NDST4: variants seen among roughly 807,000 people sequenced by gnomAD.
NDST4 encodes the protein N-deacetylase and N-sulfotransferase 4.
In NDST4, 63 loss-of-function variants were observed where a neutral mutation model predicts 100.8. The ratio of observed to expected loss-of-function variants is 0.62; its 90% CI spans 0.51 to 0.77. NDST4 has a LOEUF of 0.77. Ranked by LOEUF, NDST4 falls within the 30% of genes least tolerant of loss-of-function variation. The probability of loss-of-function intolerance (pLI) is 0.00; values close to 1 mark genes in which losing one functional copy is unlikely to be tolerated. For missense variants in NDST4, 943 were observed against 1,018.4 expected (o/e 0.93, Z 1.01); for synonymous variants, 377 against 361.8 (o/e 1.04, Z -0.48).
chr4:114,930,002 C>T (rs1027685780), intron 6 of NDST4, among the ~76,000 whole-genome samples: 1 of 152,010 alleles, frequency 6.6e-6, no homozygotes, highest in Non-Finnish European at 1.5e-5. Flanking sequence ...GGAATGTAGC[C>T]CCAGAATGAA....
intron 2 of NDST4, among the ~76,000 whole-genome samples, chr4:114,986,522 C>T (rs1394350343): frequency 6.6e-6 from 1 of 151,926 alleles, no homozygotes; most frequent in African/African-American, 2.4e-5. Flanking sequence ...CTTAAGAATG[C>T]TGAAATACTG....
chr4:115,107,533 T>C (rs1729856036), intron 1 of NDST4, among the ~76,000 whole-genome samples: 1 of 152,060 alleles, frequency 6.6e-6, no homozygotes, highest in Non-Finnish European at 1.5e-5. Context: ...CTATGTTTTA[T>C]ATGGATTTAC....
chr4:115,017,778 G>C (rs1727718289), intron 2 of NDST4, among the ~76,000 whole-genome samples: 1 of 151,968 alleles, frequency 6.6e-6, no homozygotes, highest in Non-Finnish European at 1.5e-5. Context: ...ATCCAGAAGA[G>C]TGAATTTTAC....
intron 7 of NDST4, among the ~76,000 whole-genome samples, chr4:114,868,944 TTATATA>T (rs3077771): frequency 7.7e-5 from 11 of 143,586 alleles, no homozygotes; most frequent in Non-Finnish European, 1.4e-4. Context: ...CACTTGCAAA[TTATATA>T]TATATATATA....
intron 2 of NDST4, among the ~76,000 whole-genome samples, chr4:115,011,057 T>C (rs1021406375): frequency 5.9e-5 from 9 of 152,032 alleles, no homozygotes; most frequent in Admixed American, 2.0e-4. Context: ...TGTAATGCCT[T>C]CATTTTCCCA....
intron 2 of NDST4, among the ~76,000 whole-genome samples, chr4:115,032,031 A>G (rs1398949239): frequency 3.9e-5 from 6 of 152,258 alleles, no homozygotes; most frequent in Non-Finnish European, 4.4e-5. Flanking sequence ...TCCAACTGGC[A>G]ATATAAAATG....
intron 1 of NDST4, among the ~76,000 whole-genome samples, chr4:115,083,169 G>A (rs1729337228): frequency 6.6e-6 from 1 of 152,056 alleles, no homozygotes; most frequent in South Asian, 2.1e-4. Flanking sequence ...CTGTTACCTA[G>A]GCCAGGCATT....
chr4:115,004,928 G>C (rs960645782), intron 2 of NDST4, among the ~76,000 whole-genome samples: 1 of 152,092 alleles, frequency 6.6e-6, no homozygotes, highest in Middle Eastern at 3.2e-3. Flanking sequence ...TTACAGGATT[G>C]ACTATTTTTC....
At chr4:115,056,715 A>G (rs541096163) in intron 2 of NDST4, among the ~76,000 whole-genome samples, 3 of 152,118 alleles carry the variant, frequency 2.0e-5, no homozygotes, top group Non-Finnish European at 2.9e-5. Context: ...CTCAGAAAAA[A>G]ATATTTATTT....
At chr4:115,008,914 C>T (rs554832623) in intron 2 of NDST4, among the ~76,000 whole-genome samples, 3 of 127,898 alleles carry the variant, frequency 2.3e-5, no homozygotes, top group East Asian at 2.5e-4. Context: ...AGCCAAATCA[C>T]GAGTGAACTC....
chr4:114,987,690 C>A (rs1255726049), intron 2 of NDST4, among the ~76,000 whole-genome samples: 1 of 152,158 alleles, frequency 6.6e-6, no homozygotes, highest in Non-Finnish European at 1.5e-5. Flanking sequence ...TCATACACCA[C>A]TAGAGAAGGT....
intron 1 of NDST4, among the ~76,000 whole-genome samples, chr4:115,105,003 A>G (rs1232448331): frequency 6.6e-6 from 1 of 152,152 alleles, no homozygotes; most frequent in East Asian, 1.9e-4. Flanking sequence ...ATGAATTATT[A>G]TTACCCCATC....
At chr4:115,063,169 T>C (rs1210960124) in intron 2 of NDST4, among the ~76,000 whole-genome samples, 1 of 151,968 alleles carries the variant, frequency 6.6e-6, no homozygotes, top group East Asian at 1.9e-4. Flanking sequence ...ATAGAAATTG[T>C]TATACAAACT....
At chr4:115,029,450 T>C (rs1420553816) in intron 2 of NDST4, among the ~76,000 whole-genome samples, 2 of 152,196 alleles carry the variant, frequency 1.3e-5, no homozygotes, top group African/African-American at 4.8e-5. Context: ...TAAGTCTAGA[T>C]TGGAACCAGA....
rs1342045868 is a variant in NDST4, at chr4:114,833,687, C to A, written c.2315G>T (p.Arg772Ile). ...QLLIIDGQQL[R>I]SDPATVMDEV... is the part of the protein sequence containing the mutation. The stretch of plus-strand genomic sequence containing the variant: ...ATCCATCACAGTAGCTGGGTCAGAT[C>A]TCAGCTGCTGTCCATCAATAATTAG... The change falls in exon 12 of 14, where the codon AGA (arginine) becomes ATA (isoleucine). Residue 772 changes from arginine (R) to isoleucine (I), a missense_variant. Around this residue, in one of 2 missense-constraint regions of NDST4, gnomAD observed 526 missense variants for 634.1 expected, o/e 0.83. Coordinates refer to ENST00000264363, the MANE Select transcript of NDST4 (RefSeq NM_022569.3). 6.2e-7 allele frequency: 1 copy of A among 1,611,274 alleles called. No individual in the cohort carries two copies. The highest frequency in any genetic ancestry group is 1.3e-5 in the African/African-American group (1 of 74,908).
At chr4:114,830,956 G>T (rs1459304879) in intron 12 of NDST4, among the ~76,000 whole-genome samples, 3 of 152,146 alleles carry the variant, frequency 2.0e-5, no homozygotes, top group African/African-American at 7.2e-5. Context: ...CCTGAACCTT[G>T]CAGTCCAAGT....
At chr4:115,048,499 G>C (rs1728511766) in intron 2 of NDST4, among the ~76,000 whole-genome samples, 1 of 152,058 alleles carries the variant, frequency 6.6e-6, no homozygotes, top group Admixed American at 6.6e-5. Flanking sequence ...ATTGCATTTT[G>C]ATCAAAAATC....
chr4:114,864,351 A>G (rs1182687343), intron 7 of NDST4, among the ~76,000 whole-genome samples: 3 of 152,232 alleles, frequency 2.0e-5, no homozygotes, highest in Admixed American at 1.3e-4. Context: ...GAAGAATGCT[A>G]TAAAAGGCAT....
chr4:114,880,702 T>G (rs1724349047), intron 6 of NDST4, among the ~76,000 whole-genome samples: 1 of 152,126 alleles, frequency 6.6e-6, no homozygotes, highest in Admixed American at 6.6e-5. Flanking sequence ...TTATCCATAG[T>G]TTTTGCCTAA....
Sources: allele counts gnomAD v4.1 joint callset (sites outside exome capture counted in the v4.1 genomes callset), GRCh38; gene constraint gnomAD v4.1.1; regional missense constraint gnomAD v4.1.1; transcripts MANE v1.5; gene names NCBI Gene and HGNC (gene_info 2026-07-23, HGNC 2026-07-21).